Variants in ABHD18 observed in about 807,000 individuals in gnomAD.
ABHD18 encodes abhydrolase domain containing 18, also known as cardiolipin-specific deacylase, mitochondrial.
In ABHD18, 55 loss-of-function variants were observed where a neutral mutation model predicts 65.9. The ratio of observed to expected loss-of-function variants is 0.84; its 90% CI spans 0.67 to 1.05. ABHD18 has a LOEUF of 1.05. Ranked by LOEUF, ABHD18 falls within the 50% of genes least tolerant of loss-of-function variation. The pLI, the probability that ABHD18 is intolerant of heterozygous loss-of-function variation, is 0.00. For missense variants in ABHD18, 533 were observed against 558.5 expected (o/e 0.95, Z 0.46); for synonymous variants, 181 against 180.2 (o/e 1.00, Z -0.04).
At chr4:127,994,695 A>G (rs557719997) in intron 4 of ABHD18, among the ~76,000 whole-genome samples, 1 of 152,340 alleles carries the variant, frequency 6.6e-6, no homozygotes, top group Non-Finnish European at 1.5e-5. Flanking sequence ...TTGAATTCTA[A>G]TACAAGTTCA....
chr4:127,972,184 G>A (rs1224646973), intron 1 of ABHD18, among the ~76,000 whole-genome samples: 1 of 152,164 alleles, frequency 6.6e-6, no homozygotes, highest in Non-Finnish European at 1.5e-5. Context: ...CTCTTCCTAT[G>A]GACTCAGGGA....
chr4:128,024,818 G>A (rs576115946), intron 10 of ABHD18, among the ~76,000 whole-genome samples: 4 of 151,706 alleles, frequency 2.6e-5, no homozygotes, highest in South Asian at 2.1e-4. Context: ...TCAGCCTCCC[G>A]AGTAGCTGGG....
At chr4:128,001,797 G>GGTCTTTT in intron 4 of ABHD18, 3 of 1,529,024 alleles carry the variant, frequency 2.0e-6, no homozygotes, top group Non-Finnish European at 2.6e-6. Context: ...AAACTTTTGT[G>GGTCTTTT]GTCTTTTGTA....
rs866516223 is a variant in ABHD18 at position 128,039,097 on chromosome 4, T to C, written c.*3284T>C. ...ATATACACACACACGTATGTGTGTA[T>C]ATATATGTATGTACGTATATATATG... On this transcript the variant is annotated 3_prime_UTR_variant, in exon 13 of 13. Coordinates refer to ENST00000645843, the MANE Select transcript of ABHD18 (RefSeq NM_001358451.3). The C allele has an allele frequency of 1.4e-5, 2 of 148,014 alleles. No individual in the cohort carries two copies. The highest frequency in any genetic ancestry group is 2.5e-5 in the African/African-American group (1 of 40,606). The allele number at this position is 148,014 out of a possible 1,614,324, so 9.2% of individuals were successfully genotyped here.
chr4:128,015,747 T>C (rs1755370728), intron 7 of ABHD18, among the ~76,000 whole-genome samples: 1 of 152,100 alleles, frequency 6.6e-6, no homozygotes, highest in Non-Finnish European at 1.5e-5. Flanking sequence ...ACATATTATG[T>C]GTAGGCATAT....
intron 11 of ABHD18, among the ~76,000 whole-genome samples, chr4:128,029,880 C>G (rs1226260263): frequency 6.6e-6 from 1 of 151,804 alleles, no homozygotes; most frequent in Admixed American, 6.6e-5. Context: ...CCCATCTACT[C>G]AGAGGCTGAG....
intron 10 of ABHD18, among the ~76,000 whole-genome samples, chr4:128,027,211 G>A (rs1203910721): frequency 6.6e-6 from 1 of 152,158 alleles, no homozygotes; most frequent in Non-Finnish European, 1.5e-5. Flanking sequence ...CATATAGCTT[G>A]GGTGTGTAGT....
rs761775651 is a variant in ABHD18, at chr4:127,989,828, AT to A, written c.278+14del. 4.5e-5 allele frequency: 69 copies of A among 1,525,054 alleles called. No homozygotes were observed. In the African/African-American group the frequency reaches 7.3e-4, roughly 16 times the overall value. The allele number at this position is 1,525,054 out of a possible 1,614,324, so 94.5% of individuals were successfully genotyped here. On this transcript the variant is annotated splice_region_variant and intron_variant, in intron 4 of 12. Coordinates refer to ENST00000645843, the MANE Select transcript of ABHD18 (RefSeq NM_001358451.3). ...TTGAATCTGTTATTGCAAGGTAAGA[AT>A]TTTTTTGTTCAAAAAGATGAATACA... is the stretch of plus-strand genomic sequence containing the variant.
At chr4:128,007,130 A>C (rs1753729316) in intron 4 of ABHD18, among the ~76,000 whole-genome samples, 1 of 151,792 alleles carries the variant, frequency 6.6e-6, no homozygotes, top group Non-Finnish European at 1.5e-5. Context: ...GGGCAACAAG[A>C]GCAAAACTCC....
chr4:127,970,122 A>G (rs1746449555), intron 1 of ABHD18, among the ~76,000 whole-genome samples: 1 of 151,794 alleles, frequency 6.6e-6, no homozygotes, highest in Non-Finnish European at 1.5e-5. Flanking sequence ...AGCTCAAGCA[A>G]TCCTCCCTCC....
chr4:127,972,438 A>G (rs1747011273), intron 1 of ABHD18, among the ~76,000 whole-genome samples: 1 of 151,920 alleles, frequency 6.6e-6, no homozygotes, highest in Non-Finnish European at 1.5e-5. Flanking sequence ...CTTGTTTAGC[A>G]TAACAGACAC....
Position 128,028,696 on chromosome 4 carries a change from TCAAA to T in ABHD18, c.1026_1029del (p.Gln342HisfsTer34). 1.2e-6 allele frequency: 2 copies of T among 1,613,938 alleles called. No individual in the cohort carries two copies. The highest frequency in any genetic ancestry group is 8.5e-7 in the Non-Finnish European group (1 of 1,179,878). On this transcript the variant is annotated frameshift_variant, in exon 11 of 13. Coordinates refer to ENST00000645843, the MANE Select transcript of ABHD18 (RefSeq NM_001358451.3). LOFTEE classifies it high-confidence loss of function. ...ATACCTCTAAGATGAAGCGCTTCAA[TCAAA>T]CACTTTCAACCAACAAAAGTGGTTA...
In ABHD18 at chr4:127,965,572, G is replaced by A. The variant is rs756451876; in HGVS notation, c.-52G>A. On this transcript the variant is annotated 5_prime_UTR_variant, in exon 1 of 13. Coordinates refer to ENST00000645843, the MANE Select transcript of ABHD18 (RefSeq NM_001358451.3). ...GGAGAGCGGCGGTGCTGGGAGGCCC[G>A]GCCAGCTCGATCGCAGGCTTCCACC... The A allele has an allele frequency of 3.4e-5, 8 of 237,672 alleles. No individual in the cohort carries two copies. Among genetic ancestry groups the A allele is most frequent in the Non-Finnish European group, 6.0e-5 (7 of 117,372 alleles). The allele number at this position is 237,672 out of a possible 1,614,324, so 14.7% of individuals were successfully genotyped here. A position where few individuals can be genotyped will look rare whatever the true frequency, so the allele number is the denominator to read the frequency against.
intron 9 of ABHD18, 144 bp downstream of exon 9, chr4:128,020,313 T>G: frequency 1.6e-6 from 1 of 621,950 alleles, no homozygotes; most frequent in Non-Finnish European, 2.9e-6. Context: ...TGATTAAGCC[T>G]TAACTACAGC....
At chr4:128,007,707 CTCCA>C (rs1156938673) in intron 4 of ABHD18, among the ~76,000 whole-genome samples, 2 of 149,944 alleles carry the variant, frequency 1.3e-5, no homozygotes, top group Non-Finnish European at 3.0e-5. Context: ...TGCCACGGCA[CTCCA>C]TCCTGGGCAA....
intron 1 of ABHD18, among the ~76,000 whole-genome samples, chr4:127,970,484 C>T (rs1431634877): frequency 6.8e-6 from 1 of 147,906 alleles, no homozygotes; most frequent in African/African-American, 2.5e-5. Context: ...CCCAGCTACT[C>T]GGGAGGCTGA....
intron 8 of ABHD18, among the ~76,000 whole-genome samples, chr4:128,018,779 C>T (rs1189290974): frequency 2.6e-5 from 4 of 151,960 alleles, no homozygotes; most frequent in South Asian, 4.2e-4. Context: ...TTTGGGAGGC[C>T]GAGGCGGGCA....
At chr4:128,007,905 A>G in intron 4 of ABHD18, among the ~76,000 whole-genome samples, 1 of 152,194 alleles carries the variant, frequency 6.6e-6, no homozygotes, top group Non-Finnish European at 1.5e-5. Flanking sequence ...TTATTGATAT[A>G]TCAACAGCTT....
At chr4:127,981,710 A>G (rs1749085622) in intron 1 of ABHD18, among the ~76,000 whole-genome samples, 1 of 152,222 alleles carries the variant, frequency 6.6e-6, no homozygotes, top group African/African-American at 2.4e-5. Context: ...CACAAATAGT[A>G]TAATAAAACT....
Sources: gnomAD v4.1 joint callset for allele counts (sites outside exome capture counted in the v4.1 genomes callset) on GRCh38, gnomAD v4.1.1 for gene constraint, MANE v1.5 for transcripts, NCBI Gene and HGNC (gene_info 2026-07-23, HGNC 2026-07-21) for gene names.